Variants in IMPG1 observed in about 807,000 individuals in gnomAD.
IMPG1 encodes interphotoreceptor matrix proteoglycan 1.
Under a neutral mutation model 92.0 loss-of-function variants are expected in IMPG1, and 85 were observed. That is an observed-to-expected ratio of 0.92 (90% CI 0.78 to 1.11). IMPG1 has a LOEUF of 1.11. IMPG1 is among the 50% of genes least tolerant of loss of function. The pLI is 0.00. For synonymous variants in IMPG1, 367 were observed against 334.1 expected (o/e 1.10, Z -1.08); for missense variants, 1,022 against 956.0 (o/e 1.07, Z -0.91).
intron 2 of IMPG1, among the ~76,000 whole-genome samples, chr6:76,041,339 G>A (rs1449045307): frequency 6.6e-6 from 1 of 152,166 alleles, no homozygotes; most frequent in Non-Finnish European, 1.5e-5. Context: ...TGTAAATTCT[G>A]CTAACACTCT....
chr6:75,972,265 C>G (rs1239651520), intron 12 of IMPG1, among the ~76,000 whole-genome samples: 1 of 152,158 alleles, frequency 6.6e-6, no homozygotes. Context: ...CCCGTTCCCT[C>G]CCAACCAACA....
At chr6:76,004,485 T>C (rs1353501945) in intron 10 of IMPG1, among the ~76,000 whole-genome samples, 1 of 152,194 alleles carries the variant, frequency 6.6e-6, no homozygotes, top group Admixed American at 6.5e-5. Flanking sequence ...GAGACCTTTA[T>C]GAAGTTTTCT....
chr6:75,970,994 T>A (rs1782404233), intron 12 of IMPG1, among the ~76,000 whole-genome samples: 1 of 152,160 alleles, frequency 6.6e-6, no homozygotes, highest in African/African-American at 2.4e-5. Context: ...TTATAAATCA[T>A]GCTGCTATAA....
At chr6:76,024,353 A>G (rs1258167346) in intron 5 of IMPG1, among the ~76,000 whole-genome samples, 3 of 151,866 alleles carry the variant, frequency 2.0e-5, no homozygotes, top group Admixed American at 1.3e-4. Context: ...TGGGGAACAC[A>G]TTGCCCAGAG....
At chr6:76,024,316 A>G (rs1275043839) in intron 5 of IMPG1, among the ~76,000 whole-genome samples, 2 of 152,192 alleles carry the variant, frequency 1.3e-5, no homozygotes, top group Non-Finnish European at 2.9e-5. Context: ...TTAAAACATT[A>G]TTCACATTAC....
chr6:76,047,850 T>C (rs1783972735), intron 1 of IMPG1, among the ~76,000 whole-genome samples: 1 of 152,206 alleles, frequency 6.6e-6, no homozygotes, highest in Non-Finnish European at 1.5e-5. Context: ...TTTAAGTATC[T>C]AATATCAGAG....
intron 14 of IMPG1, among the ~76,000 whole-genome samples, chr6:75,943,336 C>T (rs1781865208): frequency 6.6e-6 from 1 of 152,246 alleles, no homozygotes; most frequent in South Asian, 2.1e-4. Context: ...GGGCAGATCC[C>T]TCATGATATG....
intron 4 of IMPG1, among the ~76,000 whole-genome samples, chr6:76,026,107 G>A (rs1783526846): frequency 6.6e-6 from 1 of 151,058 alleles, no homozygotes; most frequent in Non-Finnish European, 1.5e-5. Flanking sequence ...CTCTAGCAGG[G>A]ACTCTGTGCG....
intron 6 of IMPG1, among the ~76,000 whole-genome samples, chr6:76,021,798 T>TATATATATATATATATATATATATATAC (rs1169030839): frequency 7.1e-6 from 1 of 140,724 alleles, no homozygotes; most frequent in African/African-American, 2.6e-5. Flanking sequence ...TATATATATA[T>TATATATATATATATATATATATATATAC]ATATGGTTTT....
rs1472788275 is a variant in IMPG1, at chr6:76,034,731, T to G, written c.358A>C (p.Thr120Pro). 2 of 1,613,932 alleles carry G rather than the reference T, an allele frequency of 1.2e-6. No homozygotes were observed. Among genetic ancestry groups the G allele is most frequent in the Non-Finnish European group, 1.7e-6 (2 of 1,179,920 alleles). Residue 120 changes from threonine to proline, a missense_variant, in exon 3 of 17, where the codon ACA (threonine) becomes CCA (proline). This residue lies in a region of IMPG1 where 681 missense variants were observed against 583.6 expected (regional missense o/e 1.17). Transcript: ENST00000369950. ...YRIFLDRIPD[T>P]GEYQDWVSIC... is the part of the protein sequence containing the mutation. Reference sequence around the variant, plus strand: ...CTGACCCAGTCCTGATATTCCCCTGTGTCAGGGATGCGATCCAGAAAGATC... The same window carrying G: ...CTGACCCAGTCCTGATATTCCCCTGGGTCAGGGATGCGATCCAGAAAGATC...
intron 1 of IMPG1, among the ~76,000 whole-genome samples, chr6:76,044,142 T>C (rs748393442): frequency 1.7e-4 from 26 of 152,170 alleles, no homozygotes; most frequent in Admixed American, 4.6e-4. Flanking sequence ...CCATTCAATC[T>C]AGGGGCAAAG....
chr6:75,998,048 G>T (rs897773487), intron 12 of IMPG1, among the ~76,000 whole-genome samples: 2 of 152,156 alleles, frequency 1.3e-5, no homozygotes, highest in African/African-American at 2.4e-5. Flanking sequence ...ACAGGCACAA[G>T]AAAAAATAAC....
intron 12 of IMPG1, among the ~76,000 whole-genome samples, chr6:75,982,445 G>A (rs974634840): frequency 2.0e-5 from 3 of 151,862 alleles, no homozygotes; most frequent in Non-Finnish European, 4.4e-5. Context: ...GGAGGCTGAG[G>A]TAGGAGAATT....
At chr6:76,026,672 ATAAGAG>A (rs1049424413) in intron 4 of IMPG1, among the ~76,000 whole-genome samples, 2 of 152,248 alleles carry the variant, frequency 1.3e-5, no homozygotes, top group Non-Finnish European at 2.9e-5. Context: ...AGGAACTTGC[ATAAGAG>A]TAAGAGGTTC....
intron 1 of IMPG1, among the ~76,000 whole-genome samples, chr6:76,050,305 C>T (rs1784018892): frequency 6.6e-6 from 1 of 151,968 alleles, no homozygotes; most frequent in Non-Finnish European, 1.5e-5. Context: ...TAGCCAGACA[C>T]AGTGGCGCAC....
intron 1 of IMPG1, among the ~76,000 whole-genome samples, chr6:76,046,390 T>C (rs1412528898): frequency 6.6e-6 from 1 of 152,212 alleles, no homozygotes; most frequent in East Asian, 1.9e-4. Flanking sequence ...GAAATAGTCA[T>C]ATCATTGAAT....
chr6:76,008,595 C>T (rs1158598162), intron 8 of IMPG1, among the ~76,000 whole-genome samples: 6 of 152,188 alleles, frequency 3.9e-5, no homozygotes, highest in Admixed American at 3.9e-4. Context: ...CTCTACCAAC[C>T]AGACACTCAT....
At chr6:76,003,388 T>C (rs767060332) in intron 11 of IMPG1, among the ~76,000 whole-genome samples, 14 of 152,204 alleles carry the variant, frequency 9.2e-5, no homozygotes, top group Non-Finnish European at 1.8e-4. Flanking sequence ...TTAAATTAAA[T>C]ACAAAAATTA....
intron 7 of IMPG1, among the ~76,000 whole-genome samples, chr6:76,012,185 T>A (rs1007987330): frequency 6.6e-6 from 1 of 152,194 alleles, no homozygotes; most frequent in African/African-American, 2.4e-5. Context: ...TTGACCTTAC[T>A]AATGAGGCCT....
Sources: allele counts gnomAD v4.1 joint callset (sites outside exome capture counted in the v4.1 genomes callset), GRCh38; gene constraint gnomAD v4.1.1; regional missense constraint gnomAD v4.1.1; transcripts MANE v1.5; gene names NCBI Gene and HGNC (gene_info 2026-07-23, HGNC 2026-07-21).